The following TNFSF8 variants were observed in gnomAD, a reference collection of about 807,000 sequenced individuals.
TNFSF8 encodes the protein TNF superfamily member 8, also known as tumor necrosis factor ligand superfamily member 8.
Under a neutral mutation model 22.0 loss-of-function variants are expected in TNFSF8, and 4 were observed. The ratio of observed to expected loss-of-function variants is 0.18; its 90% CI spans 0.09 to 0.42. The LOEUF is 0.42. TNFSF8 is among the 10% of genes least tolerant of loss of function. The pLI is 1.00. For missense variants in TNFSF8, 233 were observed against 281.8 expected (o/e 0.83, Z 1.24); for synonymous variants, 106 against 112.5 (o/e 0.94, Z 0.37).
chr9:114,907,680 A>C (rs1827801357), intron 2 of TNFSF8, among the ~76,000 whole-genome samples: 1 of 152,166 alleles, frequency 6.6e-6, no homozygotes, highest in African/African-American at 2.4e-5. Flanking sequence ...CAATAGTAAT[A>C]ATAACGAGGA....
At chr9:114,905,301 T>A (rs1827771217) in intron 3 of TNFSF8, among the ~76,000 whole-genome samples, 1 of 152,206 alleles carries the variant, frequency 6.6e-6, no homozygotes, top group African/African-American at 2.4e-5. Flanking sequence ...CTCTTATTGC[T>A]TCATTTGTAA....
chr9:114,899,346 T>TA (rs1439449132), downstream of TNFSF8, among the ~76,000 whole-genome samples: 227 of 143,534 alleles, frequency 1.6e-3, 4 homozygotes, highest in South Asian at 0.016. Flanking sequence ...TAAGTTATTA[T>TA]TTTTTTTTTT....
At chr9:114,926,441 AAAG>A (rs1828061368) in intron 1 of TNFSF8, among the ~76,000 whole-genome samples, 1 of 152,024 alleles carries the variant, frequency 6.6e-6, no homozygotes, top group African/African-American at 2.4e-5. Flanking sequence ...AAAAAGAAAA[AAAG>A]AAAATGCACA....
Position 114,894,017 on chromosome 9 carries a change from C to T in TNFSF8, c.*62G>A. ...GTACCATCAAGTTCATGACTTTCCA[C>T]TTAGCAGTGACAGTGACCCAGGGTA... is the stretch of plus-strand genomic sequence containing the variant. On this transcript the variant is annotated 3_prime_UTR_variant, in exon 5 of 5. Coordinates refer to the TNFSF8 transcript ENST00000618336. The T allele has an allele frequency of 1.6e-5, 22 of 1,378,174 alleles. 1 individual carries two copies. The South Asian group carries it at 2.7e-4, about 17-fold the overall frequency. 85.4% of individuals were successfully genotyped at this position (1,378,174 alleles called of 1,614,324 possible).
At chr9:114,928,469 G>A (rs1203507387) in intron 1 of TNFSF8, among the ~76,000 whole-genome samples, 1 of 152,150 alleles carries the variant, frequency 6.6e-6, no homozygotes. Flanking sequence ...ATATGAATGA[G>A]CTCTGAAGTT....
intron 1 of TNFSF8, among the ~76,000 whole-genome samples, chr9:114,923,051 G>A (rs1828008957): frequency 6.6e-6 from 1 of 152,046 alleles, no homozygotes. Flanking sequence ...ATGGGCTTAG[G>A]AAATCTTTCT....
At chr9:114,918,323 T>A (rs1201290014) in intron 1 of TNFSF8, among the ~76,000 whole-genome samples, 185 bp from the exon 2 acceptor site, 1 of 152,144 alleles carries the variant, frequency 6.6e-6, no homozygotes, top group African/African-American at 2.4e-5. Flanking sequence ...TGTTTGACAA[T>A]CTATTAGAAA....
intron 1 of TNFSF8, among the ~76,000 whole-genome samples, chr9:114,924,321 T>C (rs77428261): frequency 0.024 from 3,697 of 152,296 alleles, 234 homozygotes; most frequent in Admixed American, 0.11. Context: ...TATGTGACCC[T>C]AGATTGGTTC....
chr9:114,901,411 A>G lies in TNFSF8; in HGVS notation c.*2520T>C, dbSNP rs1475954924. The stretch of plus-strand genomic sequence containing the variant: ...GTTGGCTTTCTTAGCATTGCTTGAC[A>G]GAGACTGAGATTAGAAACCACTCAC... On this transcript the variant is annotated 3_prime_UTR_variant, in exon 4 of 4. Transcript: ENST00000223795. The G allele has an allele frequency of 3.0e-6, 3 of 985,300 alleles. No homozygotes were observed. The allele number at this position is 985,300 out of a possible 1,614,324, so 61.0% of individuals were successfully genotyped here. A position where few individuals can be genotyped will look rare whatever the true frequency, so the allele number is the denominator to read the frequency against.
chr9:114,906,312 G>T (rs182167376), intron 2 of TNFSF8, among the ~76,000 whole-genome samples: 3 of 152,340 alleles, frequency 2.0e-5, no homozygotes, highest in South Asian at 4.1e-4. Context: ...ACATTGTTTC[G>T]TGGTGCCTTG....
At chr9:114,916,307 T>C (rs529062654) in intron 2 of TNFSF8, among the ~76,000 whole-genome samples, 3 of 152,298 alleles carry the variant, frequency 2.0e-5, no homozygotes, top group African/African-American at 7.2e-5. Context: ...TTTGGACTGA[T>C]GAAAACTTTA....
Position 114,902,524 on chromosome 9 carries a change from A to T in TNFSF8, c.*1407T>A. 1.0e-6 allele frequency: 1 copy of T among 985,426 alleles called. No homozygotes were observed. The highest frequency in any genetic ancestry group is 1.2e-6 in the Non-Finnish European group (1 of 829,926). 61.0% of individuals were successfully genotyped at this position (985,426 alleles called of 1,614,324 possible). On this transcript the variant is annotated 3_prime_UTR_variant, in exon 4 of 4. Coordinates refer to ENST00000223795, the MANE Select transcript of TNFSF8 (RefSeq NM_001244.4). ...CCCAAACACCCAGATGGTCTCTTAG[A>T]TTCTGGATGGTCAGTGTGGTAGTTC... is the stretch of plus-strand genomic sequence containing the variant.
exon 5 of TNFSF8, chr9:114,893,906 T>G: frequency 1.7e-6 from 1 of 579,608 alleles, no homozygotes; most frequent in Non-Finnish European, 3.0e-6. Flanking sequence ...TGGGCCACGA[T>G]TCCAAATCAT....
intron 1 of TNFSF8, among the ~76,000 whole-genome samples, chr9:114,925,899 A>G (rs1382106812): frequency 1.3e-5 from 2 of 152,188 alleles, no homozygotes; most frequent in African/African-American, 4.8e-5. Context: ...GCTTTTTGAA[A>G]TGTAAACACC....
chr9:114,893,579 C>A (rs1286885076), exon 5 of TNFSF8: 3 of 163,572 alleles, frequency 1.8e-5, no homozygotes, highest in Non-Finnish European at 2.7e-5. Flanking sequence ...TTCATTTAAT[C>A]TTTCATTTAA....
chr9:114,909,774 G>A (rs35839701), intron 2 of TNFSF8, among the ~76,000 whole-genome samples: 1 of 152,150 alleles, frequency 6.6e-6, no homozygotes, highest in Non-Finnish European at 1.5e-5. Flanking sequence ...CACACATTCA[G>A]GTTTTCAGAC....
At chr9:114,899,187 A>T (rs1033410170), downstream of TNFSF8, among the ~76,000 whole-genome samples, 2 of 152,178 alleles carry the variant, frequency 1.3e-5, no homozygotes, top group Non-Finnish European at 2.9e-5. Flanking sequence ...CAGACTAAAT[A>T]ATACTAGAGC....
intron 1 of TNFSF8, among the ~76,000 whole-genome samples, chr9:114,920,909 T>G (rs1827980179): frequency 6.6e-6 from 1 of 152,182 alleles, no homozygotes. Flanking sequence ...CCTCTTGTGA[T>G]CTGCCCGCCT....
At chr9:114,896,078 C>A (rs1346879010) in intron 4 of TNFSF8, among the ~76,000 whole-genome samples, 1 of 152,222 alleles carries the variant, frequency 6.6e-6, no homozygotes, top group Non-Finnish European at 1.5e-5. Context: ...CAAGCCAATT[C>A]ATGAAAGTCC....
Sources: allele counts gnomAD v4.1 joint callset (sites outside exome capture counted in the v4.1 genomes callset), GRCh38; gene constraint gnomAD v4.1.1; transcripts MANE v1.5; gene names NCBI Gene and HGNC (gene_info 2026-07-23, HGNC 2026-07-21).